Variants in GSE1 observed in about 807,000 individuals in gnomAD.
The protein encoded by GSE1 is genetic suppressor element 1.
A neutral mutation model predicts 112.6 loss-of-function variants in GSE1; 32 were observed. That is an observed-to-expected ratio of 0.28 (90% CI 0.21 to 0.38). GSE1 has a LOEUF of 0.38. Ranked by LOEUF, GSE1 falls within the 10% of genes least tolerant of loss-of-function variation. The pLI, the probability that GSE1 is intolerant of heterozygous loss-of-function variation, is 1.00. For missense variants in GSE1, 2,348 were observed against 1,699.2 expected, an observed-to-expected ratio of 1.38 and a Z score of -6.71; for synonymous variants, 1,115 against 735.6, an observed-to-expected ratio of 1.52 and a Z score of -8.35.
At chr16:85,376,187 C>T (rs1043801857) in intron 2 of GSE1, among the ~76,000 whole-genome samples, 1 of 152,184 alleles carries the variant, frequency 6.6e-6, no homozygotes, top group Non-Finnish European at 1.5e-5. Context: ...GTTCTGCCTC[C>T]CCTGGCAAGC....
intron 1 of GSE1, among the ~76,000 whole-genome samples, chr16:85,282,072 G>C (rs2044873832): frequency 1.3e-5 from 2 of 151,194 alleles, no homozygotes; most frequent in African/African-American, 4.9e-5. Context: ...CTGTCACCCA[G>C]GCTGTAGTGC....
chr16:85,541,186 A>G (rs756786440), intron 2 of GSE1, among the ~76,000 whole-genome samples: 1 of 152,228 alleles, frequency 6.6e-6, no homozygotes, highest in Non-Finnish European at 1.5e-5. Context: ...GAAGCCATCC[A>G]GGGAGGCTGA....
intron 8 of GSE1, among the ~76,000 whole-genome samples, chr16:85,658,740 A>G (rs562646609): frequency 1.8e-4 from 28 of 152,268 alleles, no homozygotes; most frequent in Admixed American, 8.5e-4. Flanking sequence ...CAGAGGACTG[A>G]GGGCAGCCAG....
intron 2 of GSE1, among the ~76,000 whole-genome samples, chr16:85,506,043 C>T (rs1027697251): frequency 3.9e-5 from 6 of 152,058 alleles, no homozygotes; most frequent in African/African-American, 7.2e-5. Flanking sequence ...CTGAATGGCG[C>T]GTTCCAAGAG....
chr16:85,492,000 G>GGGC (rs2051025393), intron 2 of GSE1, among the ~76,000 whole-genome samples: 1 of 151,984 alleles, frequency 6.6e-6, no homozygotes, highest in African/African-American at 2.4e-5. Context: ...CTGCTTACCT[G>GGGC]GGCACCACCA....
chr16:85,367,066 C>T (rs553710585), intron 2 of GSE1, among the ~76,000 whole-genome samples: 2 of 152,346 alleles, frequency 1.3e-5, no homozygotes, highest in South Asian at 4.1e-4. Context: ...CCTGCCGTGG[C>T]CTCTGCTCAC....
At chr16:85,462,700 C>A (rs1475248170) in intron 2 of GSE1, among the ~76,000 whole-genome samples, 3 of 86,314 alleles carry the variant, frequency 3.5e-5, no homozygotes, top group Non-Finnish European at 7.0e-5. Flanking sequence ...GGCGCCGCGG[C>A]GCGGGAGGGA....
chr16:85,660,858 C>T (rs1021483196), intron 8 of GSE1, among the ~76,000 whole-genome samples: 5 of 152,080 alleles, frequency 3.3e-5, no homozygotes, highest in African/African-American at 1.2e-4. Flanking sequence ...TCTCAAACTG[C>T]TGACCTTGTG....
intron 1 of GSE1, among the ~76,000 whole-genome samples, chr16:85,205,829 G>T (rs1378294485): frequency 4.6e-5 from 7 of 152,208 alleles, no homozygotes; most frequent in African/African-American, 1.7e-4. Context: ...GACCTTTCCA[G>T]GTGACACGGC....
At chr16:85,552,066 C>T (rs538656962), upstream of GSE1, among the ~76,000 whole-genome samples, 2 of 152,208 alleles carry the variant, frequency 1.3e-5, no homozygotes, top group South Asian at 2.1e-4. Context: ...CGCTCTGTCG[C>T]CCAGGCTGGA....
intron 2 of GSE1, among the ~76,000 whole-genome samples, chr16:85,513,788 C>T (rs575993851): frequency 8.5e-5 from 13 of 152,236 alleles, no homozygotes; most frequent in African/African-American, 3.1e-4. Flanking sequence ...CCCCCACCCC[C>T]GGTGCACACT....
In GSE1 at chr16:85,331,397, A is replaced by G. The variant is rs951846822; in HGVS notation, c.2284-26066A>G. Among the ~76,000 whole-genome samples the G allele has an allele frequency of 4.7e-4, 67 of 141,338 alleles. 2 individuals carry two copies. Among genetic ancestry groups the G allele is most frequent in the African/African-American group, 1.7e-3 (64 of 38,752 alleles). The allele number at this position is 141,338 out of a possible 152,430, so 92.7% of individuals were successfully genotyped here. ...TGTATATATATGTATATATATGTGT[A>G]TATATGTATATATATGCGTATATAT... On this transcript the variant is annotated intron_variant, in intron 1 of 2. Coordinates refer to the GSE1 transcript ENST00000637419.
intron 1 of GSE1, among the ~76,000 whole-genome samples, chr16:85,344,405 C>A (rs1337423093): frequency 6.6e-6 from 1 of 152,250 alleles, no homozygotes; most frequent in Non-Finnish European, 1.5e-5. Flanking sequence ...CCTTGGCTGA[C>A]TGCCCGAAGC....
intron 1 of GSE1, among the ~76,000 whole-genome samples, chr16:85,627,587 C>T (rs1421874991): frequency 6.6e-6 from 1 of 152,076 alleles, no homozygotes; most frequent in African/African-American, 2.4e-5. Flanking sequence ...GCCTCGCAGA[C>T]CTGGTCCACC....
intron 1 of GSE1, among the ~76,000 whole-genome samples, chr16:85,186,588 G>A (rs2074706331): frequency 6.6e-6 from 1 of 150,578 alleles, no homozygotes; most frequent in South Asian, 2.1e-4. Flanking sequence ...GGGCGACAGA[G>A]TGAGACTCTG....
At chr16:85,645,007 G>A (rs140832115) in intron 2 of GSE1, among the ~76,000 whole-genome samples, 7 of 152,004 alleles carry the variant, frequency 4.6e-5, no homozygotes, top group Middle Eastern at 3.4e-3. Flanking sequence ...GAGGGCTGAG[G>A]CCTGTTCTCC....
Position 85,319,421 on chromosome 16 carries a change from C to T in GSE1, c.2284-38042C>T, listed in dbSNP as rs191521038. ...GAGACGCCAGCTCCTGGGCCTCAGC[C>T]TGTGTCCGCCCTGGCAGCAGAGCCT... is the stretch of plus-strand genomic sequence containing the variant. On this transcript the variant is annotated intron_variant, in intron 1 of 2. Transcript: ENST00000637419. Among the ~76,000 whole-genome samples the T allele has an allele frequency of 3.1e-3, 470 of 152,328 alleles. 8 individuals are homozygous for T. Among genetic ancestry groups the T allele is most frequent in the Admixed American group, 0.027 (414 of 15,308 alleles).
chr16:85,501,329 T>G (rs1273003224), intron 2 of GSE1, among the ~76,000 whole-genome samples: 1 of 150,756 alleles, frequency 6.6e-6, no homozygotes, highest in Admixed American at 6.6e-5. Flanking sequence ...AACTAATATC[T>G]GCAAAGATCC....
intron 1 of GSE1, among the ~76,000 whole-genome samples, chr16:85,277,520 C>T (rs1239769929): frequency 6.6e-6 from 1 of 152,126 alleles, no homozygotes; most frequent in Non-Finnish European, 1.5e-5. Flanking sequence ...GCCTGGGATT[C>T]CGGATTTCTA....
Sources: allele counts gnomAD v4.1 joint callset (sites outside exome capture counted in the v4.1 genomes callset), GRCh38; gene constraint gnomAD v4.1.1; transcripts MANE v1.5; gene names NCBI Gene and HGNC (gene_info 2026-07-23, HGNC 2026-07-21).